Variants in BMS1 observed in about 807,000 individuals in gnomAD.
The protein encoded by BMS1 is BMS1 ribosome biogenesis factor.
A neutral mutation model predicts 138.7 loss-of-function variants in BMS1; 53 were observed. The observed-to-expected ratio is 0.38, with a 90% CI of 0.31 to 0.48. The LOEUF (loss-of-function observed/expected upper bound fraction) is 0.48, where lower values mean the gene tolerates loss of function less well. Among genes scored for constraint, BMS1 ranks in the 20% least tolerant of loss-of-function variants. The pLI is 0.97. For missense variants in BMS1, 1,360 were observed against 1,565.5 expected (o/e 0.87, Z 2.22); for synonymous variants, 504 against 539.9 (o/e 0.93, Z 0.92).
intron 15 of BMS1, 132 bp downstream of exon 15, chr10:42,817,626 C>T: frequency 2.4e-6 from 2 of 849,862 alleles, no homozygotes; most frequent in South Asian, 4.5e-5. Context: ...ATTCGGACTC[C>T]TGGGTAGAGA....
At chr10:42,792,221 A>G (rs1375872697) in intron 6 of BMS1, among the ~76,000 whole-genome samples, 4 of 152,114 alleles carry the variant, frequency 2.6e-5, no homozygotes, top group African/African-American at 9.7e-5. Context: ...GGATTTTCTG[A>G]ATATGTTCTT....
At chr10:42,824,435 C>T (rs963879353) in intron 21 of BMS1, among the ~76,000 whole-genome samples, 3 of 152,146 alleles carry the variant, frequency 2.0e-5, no homozygotes, top group East Asian at 1.9e-4. Flanking sequence ...CTATAGGTTC[C>T]CTTTTCATTT....
chr10:42,782,885 T>TG (rs983071844), intron 1 of BMS1, 55 bp downstream of exon 1: 1 of 152,828 alleles, frequency 6.5e-6, no homozygotes, highest in African/African-American at 2.4e-5. Flanking sequence ...TCTGGGGCAC[T>TG]GGGAAGATCG....
chr10:42,793,897 A>G lies in BMS1; in HGVS notation c.1135A>G (p.Thr379Ala), dbSNP rs1355810997. 1.2e-6 allele frequency: 2 copies of G among 1,611,736 alleles called. No individual in the cohort carries two copies. Among genetic ancestry groups the G allele is most frequent in the Non-Finnish European group, 1.7e-6 (2 of 1,179,786 alleles). The change falls in exon 9 of 23, where the codon ACC becomes GCC. Residue 379 changes from threonine to alanine, a missense_variant. Physicochemically the swap from Thr to Ala is moderately conservative, Grantham distance 58. Around this residue, in one of 3 missense-constraint regions of BMS1, gnomAD observed 697 missense variants for 686.2 expected, o/e 1.02. Coordinates refer to ENST00000374518, the MANE Select transcript of BMS1 (RefSeq NM_014753.4). ...THELVQSLIS[T>A]HSTIDAKMAS... is the part of the protein sequence containing the mutation. ...TGAGCTGGTCCAGAGTCTCATCTCTACCCACTCCACCATTGATGCCAAGAT... is the reference window on the plus strand; with the variant it reads ...TGAGCTGGTCCAGAGTCTCATCTCTGCCCACTCCACCATTGATGCCAAGAT...
At chr10:42,822,983 A>C in intron 19 of BMS1, 135 bp from the exon 20 acceptor site, 3 of 909,072 alleles carry the variant, frequency 3.3e-6, no homozygotes, top group Non-Finnish European at 4.6e-6. Flanking sequence ...TCAGGGGCGA[A>C]TACATTTTGT....
Position 42,792,598 on chromosome 10 carries a change from C to T in BMS1, c.885C>T (p.Ser295=), listed in dbSNP as rs774223047. 104 of 1,608,362 alleles carry T rather than the reference C, an allele frequency of 6.5e-5. No homozygotes were observed. Among genetic ancestry groups the T allele is most frequent in the Non-Finnish European group, 8.7e-5 (103 of 1,179,646 alleles). Residue 295 remains serine (S), a synonymous_variant, in exon 7 of 23, where the codon AGC becomes AGT. Transcript: ENST00000374518. The part of the protein sequence containing the change: ...YLRGAHLKNK[S]QIHMPGVGDF... ...GAGGAGCACACTTGAAAAATAAAAGCCAAATTCACATGCCAGGTATTCTCT... is the reference window on the plus strand; with the variant it reads ...GAGGAGCACACTTGAAAAATAAAAGTCAAATTCACATGCCAGGTATTCTCT...
chr10:42,817,534 A>G, intron 15 of BMS1, 40 bp downstream of exon 15: 1 of 1,560,442 alleles, frequency 6.4e-7, no homozygotes, highest in Non-Finnish European at 8.6e-7. Flanking sequence ...TGTCAAGACT[A>G]TCATATAGCG....
chr10:42,825,863 T>C (rs1842623157), intron 21 of BMS1, among the ~76,000 whole-genome samples: 1 of 152,200 alleles, frequency 6.6e-6, no homozygotes, highest in African/African-American at 2.4e-5. Flanking sequence ...GTGGAAAAGC[T>C]TTTAGTTGTT....
intron 21 of BMS1, among the ~76,000 whole-genome samples, chr10:42,825,263 T>C (rs1842605480): frequency 6.6e-6 from 1 of 152,208 alleles, no homozygotes; most frequent in Non-Finnish European, 1.5e-5. Flanking sequence ...CGCTGTGGTC[T>C]CTCAAAGTGC....
In BMS1 at chr10:42,817,356, C is replaced by A. The variant is rs1341725090; in HGVS notation, c.2442C>A (p.Asp814Glu). 4.4e-6 allele frequency: 7 copies of A among 1,607,032 alleles called. No individual in the cohort carries two copies. The highest frequency in any genetic ancestry group is 1.1e-5 in the South Asian group (1 of 89,700). Residue 814 changes from aspartate to glutamate, a missense_variant, in exon 15 of 23, where the codon GAC becomes GAA. This residue lies in a region of BMS1 where 697 missense variants were observed against 686.2 expected (regional missense o/e 1.02). Transcript: ENST00000374518. ...AGAAAGAAGTTAAGGAAGAAATTGA[C>A]CCCGACGAAGAAGAAAGTGCCAAGA... ...DIEKEVKEEIDPDEEESAKKK... is the reference protein window; with the variant it reads ...DIEKEVKEEIEPDEEESAKKK...
At position 42,796,936 on chromosome 10, in the gene BMS1, G is replaced by T. The variant is rs745415513; in HGVS notation, c.1692G>T (p.Glu564Asp). ...ANCQSDRVNL[E>D]KSLLMKKAAL... Reference sequence around the variant, plus strand: ...GCCAGAGTGACCGTGTGAATCTGGAGAAGTCTTTGCTGATGAAGAAAGCAG... The same window carrying T: ...GCCAGAGTGACCGTGTGAATCTGGATAAGTCTTTGCTGATGAAGAAAGCAG... The change falls in exon 10 of 23, where the codon GAG (glutamate) becomes GAT (aspartate). Residue 564 changes from glutamate to aspartate, a missense_variant. Glu to Asp is a conservative substitution (Grantham distance 45, BLOSUM62 2). Around this residue, in one of 3 missense-constraint regions of BMS1, gnomAD observed 697 missense variants for 686.2 expected, o/e 1.02. Transcript: ENST00000374518. The T allele has an allele frequency of 2.5e-6, 4 of 1,614,242 alleles. No individual in the cohort carries two copies. The highest frequency in any genetic ancestry group is 3.4e-6 in the Non-Finnish European group (4 of 1,180,046).
At chr10:42,818,816 C>T (rs996887426) in intron 15 of BMS1, among the ~76,000 whole-genome samples, 10 of 152,006 alleles carry the variant, frequency 6.6e-5, no homozygotes, top group Middle Eastern at 3.2e-3. Context: ...CTGGCATGGG[C>T]GAGATGGGGC....
rs1842839112 is a variant in BMS1 at position 42,834,060 on chromosome 10, A to G, written c.*2964A>G. 6.6e-6 allele frequency: 1 copy of G among 152,252 alleles called. No homozygotes were observed. The allele number at this position is 152,252 out of a possible 1,614,324, so 9.4% of individuals were successfully genotyped here. ...TTCTCAATTGTATTAAACTTTGTAA[A>G]TTGTAAAAATTATTCTGTTATACCT... On this transcript the variant is annotated 3_prime_UTR_variant, in exon 23 of 23. Coordinates refer to ENST00000374518, the MANE Select transcript of BMS1 (RefSeq NM_014753.4).
intron 21 of BMS1, among the ~76,000 whole-genome samples, chr10:42,829,525 C>T (rs562697446): frequency 6.6e-6 from 1 of 152,150 alleles, no homozygotes; most frequent in South Asian, 2.1e-4. Flanking sequence ...TCCTTAAATC[C>T]AGAGTGGGCC....
intron 21 of BMS1, among the ~76,000 whole-genome samples, chr10:42,826,238 TGTGTGTGTG>T (rs1301466961): frequency 9.5e-3 from 15 of 1,578 alleles, no homozygotes; most frequent in African/African-American, 0.02. Flanking sequence ...TTTTGTTTGT[TGTGTGTGTG>T]TGTGTGTGTG....
chr10:42,797,385 A>G (rs763832286), intron 10 of BMS1, 37 bp from the exon 11 acceptor site: 5 of 1,609,622 alleles, frequency 3.1e-6, no homozygotes, highest in Non-Finnish European at 4.3e-6. Context: ...GAGACACATG[A>G]ATAAGCCTAA....
chr10:42,789,385 C>A (rs2132299548), intron 4 of BMS1, among the ~76,000 whole-genome samples: 1 of 152,058 alleles, frequency 6.6e-6, no homozygotes, highest in South Asian at 2.1e-4. Flanking sequence ...CTAGTTTAAT[C>A]AAAGATGGGC....
chr10:42,826,874 G>A (rs1830915707), intron 21 of BMS1, among the ~76,000 whole-genome samples: 1 of 152,126 alleles, frequency 6.6e-6, no homozygotes, highest in Non-Finnish European at 1.5e-5. Context: ...GTCAACTCAG[G>A]CTCCAAGGGG....
intron 7 of BMS1, among the ~76,000 whole-genome samples, 155 bp downstream of exon 7, chr10:42,792,769 A>C (rs1392818021): frequency 6.6e-6 from 1 of 152,230 alleles, no homozygotes; most frequent in African/African-American, 2.4e-5. Flanking sequence ...CAAAGGTGTT[A>C]CTGAATCCCC....
Sources: gnomAD v4.1 joint callset for allele counts (sites outside exome capture counted in the v4.1 genomes callset) on GRCh38, gnomAD v4.1.1 for gene constraint, gnomAD v4.1.1 regional missense constraint, MANE v1.5 for transcripts, NCBI Gene and HGNC (gene_info 2026-07-23, HGNC 2026-07-21) for gene names.